The following CD37 variants were observed in gnomAD, a reference collection of about 807,000 sequenced individuals.
CD37 encodes the protein leukocyte antigen CD37.
A neutral mutation model predicts 38.9 loss-of-function variants in CD37; 37 were observed. The ratio of observed to expected loss-of-function variants is 0.95; its 90% CI spans 0.73 to 1.25. The LOEUF (loss-of-function observed/expected upper bound fraction) is 1.25. Ranked by LOEUF, CD37 falls within the 50% of genes most tolerant of loss-of-function variation. The pLI, the probability that CD37 is intolerant of heterozygous loss-of-function variation, is 0.00. For missense variants in CD37, 351 were observed against 360.1 expected, an observed-to-expected ratio of 0.97 and a Z score of 0.20; for synonymous variants, 146 against 150.1, an observed-to-expected ratio of 0.97 and a Z score of 0.20.
Position 49,339,406 on chromosome 19 carries a change from T to C in CD37, c.761T>C (p.Leu254Pro). ...GTGGGCATTTGCCTGGGCGTCGGCCTACTCGAGGTGATCTGGCCCCGCCCC... is the reference window on the plus strand; with the variant it reads ...GTGGGCATTTGCCTGGGCGTCGGCCCACTCGAGGTGATCTGGCCCCGCCCC... ...SIVGICLGVGLLELGFMTLSI... is the reference protein window; with the variant it reads ...SIVGICLGVGPLELGFMTLSI... Residue 254 changes from leucine to proline, a missense_variant, in exon 7 of 8, where the codon CTA becomes CCA. Transcript: ENST00000323906. This position sits in a 1 kb window ranked among gnomAD's most constrained non-coding sequence, Gnocchi z 4.5. The C allele has an allele frequency of 1.2e-6, 2 of 1,613,754 alleles. No homozygotes were observed. Among genetic ancestry groups the C allele is most frequent in the East Asian group, 2.2e-5 (1 of 44,878 alleles).
rs1194199893 is a variant in CD37, at chr19:49,340,537, C to A, written c.*209C>A. The A allele has an allele frequency of 4.9e-6, 3 of 610,772 alleles. No individual in the cohort carries two copies. Among genetic ancestry groups the A allele is most frequent in the African/African-American group, 3.7e-5 (2 of 54,264 alleles). The allele number at this position is 610,772 out of a possible 1,614,324, so 37.8% of individuals were successfully genotyped here. ...TCCACAGCTTCCTGTCCCCATCTGT[C>A]GGCCTACCACCACCCACAAGATTAT... On this transcript the variant is annotated 3_prime_UTR_variant, in exon 8 of 8. Coordinates refer to ENST00000323906, the MANE Select transcript of CD37 (RefSeq NM_001774.3).
In CD37 at chr19:49,339,752, G is replaced by C. The variant is rs1568552157; in HGVS notation, c.768+339G>C. On this transcript the variant is annotated intron_variant, in intron 7 of 7. Coordinates refer to ENST00000323906, the MANE Select transcript of CD37 (RefSeq NM_001774.3). The surrounding 1 kb of genome is among the most constrained non-coding windows in gnomAD (Gnocchi z 4.5). ...CCGGGCGCTGGGGATTCGAGCCCCG[G>C]GCCCAGCCTGATCGCTGACGGCGGC... is the stretch of plus-strand genomic sequence containing the variant. 5.8e-6 allele frequency: 8 copies of C among 1,389,644 alleles called. No homozygotes were observed. The highest frequency in any genetic ancestry group is 4.6e-6 in the Non-Finnish European group (5 of 1,075,744). The allele number at this position is 1,389,644 out of a possible 1,614,324, so 86.1% of individuals were successfully genotyped here.
In CD37 at chr19:49,338,688, T is replaced by C; in HGVS notation, c.448-12T>C. ...CCAGTCCCGGTCCCTCTGACTCGTA[T>C]CCCTCTCCCAGCTGCGCTGCTGCGG... On this transcript the variant is annotated splice_polypyrimidine_tract_variant and intron_variant, in intron 5 of 7. Coordinates refer to ENST00000323906, the MANE Select transcript of CD37 (RefSeq NM_001774.3). The surrounding 1 kb of genome is among the most constrained non-coding windows in gnomAD (Gnocchi z 5.0). 6.3e-7 allele frequency: 1 copy of C among 1,597,196 alleles called. No individual in the cohort carries two copies. The highest frequency in any genetic ancestry group is 8.6e-7 in the Non-Finnish European group (1 of 1,168,538).
chr19:49,340,246 TA>T lies in CD37; in HGVS notation c.769-4del. The T allele has an allele frequency of 6.2e-7, 1 of 1,610,044 alleles. No individual in the cohort carries two copies. Among genetic ancestry groups the T allele is most frequent in the Non-Finnish European group, 8.5e-7 (1 of 1,177,450 alleles). On this transcript the variant is annotated splice_region_variant and splice_polypyrimidine_tract_variant and intron_variant, in intron 7 of 7. Coordinates refer to ENST00000323906, the MANE Select transcript of CD37 (RefSeq NM_001774.3). ...CTTCTCTGACCTCATCTCCTTTCTCTATAGCTCGGGTTCATGACGCTCTCGA... is the reference window on the plus strand; with the variant it reads ...CTTCTCTGACCTCATCTCCTTTCTCTTAGCTCGGGTTCATGACGCTCTCGA...
chr19:49,335,726 CT>C lies in CD37; in HGVS notation c.83del (p.Leu28ArgfsTer96). 1 of 1,614,000 alleles carries C rather than the reference CT, an allele frequency of 6.2e-7. No individual in the cohort carries two copies. Among genetic ancestry groups the C allele is most frequent in the Non-Finnish European group, 8.5e-7 (1 of 1,180,014 alleles). On this transcript the variant is annotated frameshift_variant, in exon 2 of 8. Transcript: ENST00000323906. LOFTEE classifies it high-confidence loss of function. This position sits in a 1 kb window ranked among gnomAD's most constrained non-coding sequence, Gnocchi z 4.6. ...FNLFFFVLGSLIFCFGIWILI... is the reference protein window; with the variant it reads ...FNLFFFVLGSXIFCFGIWILI... The stretch of plus-strand genomic sequence containing the variant: ...CTCCTCTCCCCAGGTCCTCGGCAGC[CT>C]GATCTTCTGCTTCGGCATCTGGATC...
rs1029810382 is a variant in CD37, at chr19:49,335,926, T to C, written c.142+140T>C. On this transcript the variant is annotated intron_variant, in intron 2 of 7. Coordinates refer to ENST00000323906, the MANE Select transcript of CD37 (RefSeq NM_001774.3). The surrounding 1 kb of genome is among the most constrained non-coding windows in gnomAD (Gnocchi z 4.6). ...CCATCCACTGCTCACCGGAGGCTTC[T>C]TGGAGCCTGAGTCTTCTTCCGGCAA... The C allele has an allele frequency of 4.2e-6, 3 of 707,510 alleles. No homozygotes were observed. In the Admixed American group the frequency reaches 7.0e-5, roughly 16 times the overall value. 43.8% of individuals were successfully genotyped at this position (707,510 alleles called of 1,614,324 possible). A position where few individuals can be genotyped will look rare whatever the true frequency, so the allele number is the denominator to read the frequency against.
Position 49,339,449 on chromosome 19 carries a change from A to C in CD37, c.768+36A>C. 1 of 1,591,088 alleles carries C rather than the reference A, an allele frequency of 6.3e-7. No individual in the cohort carries two copies. Among genetic ancestry groups the C allele is most frequent in the Non-Finnish European group, 8.6e-7 (1 of 1,161,502 alleles). On this transcript the variant is annotated intron_variant, in intron 7 of 7. Transcript: ENST00000323906. The surrounding 1 kb of genome is among the most constrained non-coding windows in gnomAD (Gnocchi z 4.5). ...CCCGCCCCCACCCGCGATCGGCCCT[A>C]AATCCCTAGATGGCCCTGCCCTTCA...
intron 7 of CD37, 183 bp from the exon 8 acceptor site, chr19:49,340,068 C>T: frequency 1.3e-6 from 2 of 1,519,142 alleles, no homozygotes; most frequent in South Asian, 1.2e-5. Context: ...CAGCTATTCC[C>T]GCCTCATCAG....
rs1271241543 is a variant in CD37, at chr19:49,336,906, C to G, written c.143-3C>G. On this transcript the variant is annotated splice_polypyrimidine_tract_variant and splice_region_variant and intron_variant, in intron 2 of 7. Transcript: ENST00000323906. ...TCATCATCACTCCCCTCACCTCTCC[C>G]AGGCTTGGCCTTCGTGCCTCTGCAG... 1 of 1,614,008 alleles carries G rather than the reference C, an allele frequency of 6.2e-7. No individual in the cohort carries two copies. The highest frequency in any genetic ancestry group is 1.1e-5 in the South Asian group (1 of 91,040).
At chr19:49,340,082 G>T in intron 7 of CD37, 169 bp from the exon 8 acceptor site, 1 of 1,529,144 alleles carries the variant, frequency 6.5e-7, no homozygotes, top group Non-Finnish European at 8.8e-7. Flanking sequence ...TCATCAGCCA[G>T]CCCTGCGGCA....
rs201928399 is a variant in CD37 at position 49,337,066 on chromosome 19, C to T, written c.267+33C>T. The T allele has an allele frequency of 1.7e-5, 27 of 1,613,568 alleles. No homozygotes were observed. In the East Asian group the frequency reaches 5.8e-4, roughly 35 times the overall value. ...CACCATCCCTCTCCGTCCCTAGGAA[C>T]ACTCCTATCCCCACCCTCAAAAATG... On this transcript the variant is annotated intron_variant, in intron 3 of 7. Coordinates refer to ENST00000323906, the MANE Select transcript of CD37 (RefSeq NM_001774.3).
rs746944507 is a variant in CD37 at position 49,340,181 on chromosome 19, C to A, written c.769-70C>A. 5.3e-6 allele frequency: 8 copies of A among 1,521,788 alleles called. No homozygotes were observed. The African/African-American group carries it at 1.1e-4, about 21-fold the overall frequency. The allele number at this position is 1,521,788 out of a possible 1,614,324, so 94.3% of individuals were successfully genotyped here. A position where few individuals can be genotyped will look rare whatever the true frequency, so the allele number is the denominator to read the frequency against. ...CGGCCCCACCCCTGACCTTTCTCGC[C>A]CGGGTGGGCATCACCCCCGTCTCGC... On this transcript the variant is annotated intron_variant, in intron 7 of 7. Coordinates refer to ENST00000323906, the MANE Select transcript of CD37 (RefSeq NM_001774.3).
intron 7 of CD37, 51 bp from the exon 8 acceptor site, chr19:49,340,200 G>A (rs1181171171): frequency 5.3e-6 from 7 of 1,319,412 alleles, no homozygotes; most frequent in African/African-American, 1.5e-5. Context: ...CATCACCCCC[G>A]TCTCGCCAGC....
In CD37 at chr19:49,336,960, G is replaced by A. The variant is rs1291201118; in HGVS notation, c.194G>A (p.Gly65Glu). The change falls in exon 3 of 8, where the codon GGA (glycine) becomes GAA (glutamate). Residue 65 changes from glycine to glutamate, a missense_variant. Gly to Glu is a moderately conservative substitution (Grantham distance 98). Transcript: ENST00000323906. Reference sequence around the variant, plus strand: ...TGGTCCAAAGTCCTGGCCATCTCAGGAATCTTCACCATGGGCATCGCCCTC... The same window carrying A: ...TGGTCCAAAGTCCTGGCCATCTCAGAAATCTTCACCATGGGCATCGCCCTC... ...QIWSKVLAIS[G>E]IFTMGIALLG... 5 of 1,614,038 alleles carry A rather than the reference G, an allele frequency of 3.1e-6. No individual in the cohort carries two copies. The highest frequency in any genetic ancestry group is 4.2e-6 in the Non-Finnish European group (5 of 1,180,014).
At position 49,340,486 on chromosome 19, in the gene CD37, C is replaced by T. The variant is rs572209799; in HGVS notation, c.*158C>T. 14 of 668,310 alleles carry T rather than the reference C, an allele frequency of 2.1e-5. No homozygotes were observed. The African/African-American group carries it at 2.5e-4, about 12-fold the overall frequency. 41.4% of individuals were successfully genotyped at this position (668,310 alleles called of 1,614,324 possible). Reference sequence around the variant, plus strand: ...GGCTGCGTGCCCCTGCTGCTGTCACCTCTCCCACGGGACCTGGGGCTTTCG... The same window carrying T: ...GGCTGCGTGCCCCTGCTGCTGTCACTTCTCCCACGGGACCTGGGGCTTTCG... On this transcript the variant is annotated 3_prime_UTR_variant, in exon 8 of 8. Coordinates refer to ENST00000323906, the MANE Select transcript of CD37 (RefSeq NM_001774.3).
Position 49,335,518 on chromosome 19 carries a change from A to C in CD37, c.-23A>C, listed in dbSNP as rs1970917203. 1.3e-6 allele frequency: 2 copies of C among 1,589,686 alleles called. No individual in the cohort carries two copies. Among genetic ancestry groups the C allele is most frequent in the Admixed American group, 1.7e-5 (1 of 59,932 alleles). On this transcript the variant is annotated 5_prime_UTR_variant, in exon 1 of 8. Coordinates refer to ENST00000323906, the MANE Select transcript of CD37 (RefSeq NM_001774.3). The surrounding 1 kb of genome is among the most constrained non-coding windows in gnomAD (Gnocchi z 4.6). ...AGCACCTCTTCTGTGTGGTGAGTGG[A>C]CCGCTTACCCCACTAGGTGAAGATG...
At position 49,339,903 on chromosome 19, in the gene CD37, C is replaced by T; in HGVS notation, c.769-348C>T. 1 of 1,349,686 alleles carries T rather than the reference C, an allele frequency of 7.4e-7. No homozygotes were observed. Among genetic ancestry groups the T allele is most frequent in the Non-Finnish European group, 9.6e-7 (1 of 1,045,752 alleles). 83.6% of individuals were successfully genotyped at this position (1,349,686 alleles called of 1,614,324 possible). On this transcript the variant is annotated intron_variant, in intron 7 of 7. Coordinates refer to ENST00000323906, the MANE Select transcript of CD37 (RefSeq NM_001774.3). This position sits in a 1 kb window ranked among gnomAD's most constrained non-coding sequence, Gnocchi z 4.5. ...GGCTCTGGCCGCTGTGGGTTCAAGACGAGGACCAGCCTGACACTGGAAGTG... is the reference window on the plus strand; with the variant it reads ...GGCTCTGGCCGCTGTGGGTTCAAGATGAGGACCAGCCTGACACTGGAAGTG...
Position 49,339,259 on chromosome 19 carries a change from T to C in CD37, c.685-71T>C, listed in dbSNP as rs1971095249. 1 of 1,421,844 alleles carries C rather than the reference T, an allele frequency of 7.0e-7. No individual in the cohort carries two copies. Among genetic ancestry groups the C allele is most frequent in the Non-Finnish European group, 9.9e-7 (1 of 1,014,586 alleles). The allele number at this position is 1,421,844 out of a possible 1,614,324, so 88.1% of individuals were successfully genotyped here. A position where few individuals can be genotyped will look rare whatever the true frequency, so the allele number is the denominator to read the frequency against. Reference sequence around the variant, plus strand: ...TGCCTGAAGACGGTGAGGGTTGGCCTGAAAAGAACGCTGGGCCTGGGCTTG... The same window carrying C: ...TGCCTGAAGACGGTGAGGGTTGGCCCGAAAAGAACGCTGGGCCTGGGCTTG... On this transcript the variant is annotated intron_variant, in intron 6 of 7. Coordinates refer to ENST00000323906, the MANE Select transcript of CD37 (RefSeq NM_001774.3). This position sits in a 1 kb window ranked among gnomAD's most constrained non-coding sequence, Gnocchi z 4.5.
At chr19:49,336,646 C>A (rs2146208384) in intron 2 of CD37, 3 of 438,068 alleles carry the variant, frequency 6.8e-6, no homozygotes, top group East Asian at 4.3e-5. Context: ...AGTGATAGGG[C>A]TGAAACTACT....
Sources: allele counts gnomAD v4.1 joint callset, GRCh38; gene constraint gnomAD v4.1.1; non-coding constraint Gnocchi (gnomAD v3.1); transcripts MANE v1.5; gene names NCBI Gene and HGNC (gene_info 2026-07-23, HGNC 2026-07-21).